Variants in TDRD3 observed in about 807,000 individuals in gnomAD.
TDRD3 encodes the protein tudor domain containing 3, also known as tudor domain-containing protein 3.
Under a neutral mutation model 86.7 loss-of-function variants are expected in TDRD3, and 45 were observed. The observed-to-expected ratio is 0.52, with a 90% confidence interval of 0.41 to 0.67. TDRD3 has a LOEUF of 0.67. Among genes scored for constraint, TDRD3 ranks in the 30% least tolerant of loss-of-function variants. The probability of loss-of-function intolerance (pLI) is 0.00; values close to 1 mark genes in which losing one functional copy is unlikely to be tolerated. For synonymous variants in TDRD3, 298 were observed against 301.7 expected, an observed-to-expected ratio of 0.99 and a Z score of 0.13; for missense variants, 814 against 889.0, an observed-to-expected ratio of 0.92 and a Z score of 1.07.
intron 1 of TDRD3, among the ~76,000 whole-genome samples, chr13:60,408,054 C>T (rs547004498): frequency 2.6e-5 from 4 of 152,244 alleles, no homozygotes; most frequent in Non-Finnish European, 5.9e-5. Flanking sequence ...TTTCACGTCC[C>T]GCCATGATTC....
intron 7 of TDRD3, among the ~76,000 whole-genome samples, chr13:60,488,979 A>C (rs995141154): frequency 6.6e-6 from 1 of 152,096 alleles, no homozygotes; most frequent in Non-Finnish European, 1.5e-5. Flanking sequence ...GATAGTTTGC[A>C]ATTATTTTCC....
At chr13:60,422,885 T>C (rs1330181365) in intron 1 of TDRD3, among the ~76,000 whole-genome samples, 1 of 152,128 alleles carries the variant, frequency 6.6e-6, no homozygotes, top group African/African-American at 2.4e-5. Flanking sequence ...AGAGCTGATA[T>C]CTAAAACTAT....
At chr13:60,551,148 G>C (rs1221648445) in intron 12 of TDRD3, among the ~76,000 whole-genome samples, 1 of 152,170 alleles carries the variant, frequency 6.6e-6, no homozygotes. Context: ...AATGTGGTCA[G>C]TCTAATTCTC....
In TDRD3 at chr13:60,528,839, C is replaced by G; in HGVS notation, c.1614C>G (p.Ser538Arg). 6.2e-7 allele frequency: 1 copy of G among 1,613,596 alleles called. No homozygotes were observed. Among genetic ancestry groups the G allele is most frequent in the South Asian group, 1.1e-5 (1 of 90,902 alleles). The change falls in exon 11 of 14, where the codon AGC becomes AGG. Residue 538 changes from serine to arginine, a missense_variant. Transcript: ENST00000377881. ...YNNQKRGKRE[S>R]QTSIPDYFYD... ...ATCAAAAACGTGGAAAAAGAGAAAG[C>G]CAAACATCTATTCCTGATTATTTTT...
intron 12 of TDRD3, among the ~76,000 whole-genome samples, chr13:60,557,700 TTC>T (rs1260287198): frequency 3.3e-5 from 5 of 152,084 alleles, no homozygotes; most frequent in Non-Finnish European, 7.4e-5. Flanking sequence ...TAAAAATTTT[TTC>T]TTATATCAAG....
chr13:60,494,499 A>G lies in TDRD3; in HGVS notation c.782A>G (p.Asn261Ser). The change falls in exon 8 of 14, where the codon AAC becomes AGC. Residue 261 changes from asparagine to serine, a missense_variant. By Grantham distance (46) the Asn-to-Ser change is conservative. Transcript: ENST00000377881. ...AATCTCAATATGAATGCTGCTGGTA[A>G]CCGAAATAGGGAAGTTTTACAGAAA... ...RSNLNMNAAG[N>S]RNREVLQKEK... 1 of 1,613,830 alleles carries G rather than the reference A, an allele frequency of 6.2e-7. No individual in the cohort carries two copies. The highest frequency in any genetic ancestry group is 8.5e-7 in the Non-Finnish European group (1 of 1,179,846).
intron 1 of TDRD3, among the ~76,000 whole-genome samples, chr13:60,408,416 G>A (rs764722369): frequency 5.9e-5 from 9 of 152,202 alleles, no homozygotes; most frequent in South Asian, 4.1e-4. Flanking sequence ...CAGTTTGGAG[G>A]GCTTAGAAGA....
In TDRD3 at chr13:60,483,833, T is replaced by G. The variant is rs1956370886; in HGVS notation, c.554T>G (p.Val185Gly). Residue 185 changes from valine (V) to glycine (G), a missense_variant, in exon 6 of 14, where the codon GTG becomes GGG. Coordinates refer to ENST00000377881, the MANE Select transcript of TDRD3 (RefSeq NM_001146070.2). ...ACTGAAGGTGGACCACCGCCTTTTG[T>G]GCCTTTTGGACAGGTAATGACTTTT... The part of the protein sequence containing the change: ...IGTEGGPPPF[V>G]PFGQKCVSHV... 1 of 1,613,330 alleles carries G rather than the reference T, an allele frequency of 6.2e-7. No homozygotes were observed. The highest frequency in any genetic ancestry group is 1.7e-5 in the Admixed American group (1 of 59,928).
intron 12 of TDRD3, among the ~76,000 whole-genome samples, chr13:60,549,148 A>G (rs762012451): frequency 1.3e-5 from 2 of 152,182 alleles, no homozygotes; most frequent in Non-Finnish European, 2.9e-5. Flanking sequence ...TTTAGAGTCA[A>G]GTCTCTGGGT....
chr13:60,547,935 G>T (rs1595102142), intron 12 of TDRD3, among the ~76,000 whole-genome samples: 1 of 152,280 alleles, frequency 6.6e-6, no homozygotes, highest in East Asian at 1.9e-4. Flanking sequence ...TTCAGACAGT[G>T]TTGAGGAGAA....
chr13:60,529,738 C>T lies in TDRD3; in HGVS notation c.1992+521C>T, dbSNP rs148494888. ...TGCTTCTCGGCCTTTTGGCTAAGAT[C>T]GAGTGTAAAAATTATTAAACCAATT... On this transcript the variant is annotated intron_variant, in intron 11 of 13. Transcript: ENST00000377881. Among the ~76,000 whole-genome samples, 517 of 151,510 alleles carry T rather than the reference C, an allele frequency of 3.4e-3. 7 individuals carry two copies. The highest frequency in any genetic ancestry group is 0.017 in the Middle Eastern group (5 of 292).
At chr13:60,511,460 G>T (rs1957059468) in intron 10 of TDRD3, among the ~76,000 whole-genome samples, 1 of 152,208 alleles carries the variant, frequency 6.6e-6, no homozygotes, top group Non-Finnish European at 1.5e-5. Context: ...AGGCAGTGTA[G>T]CATTTGAGAA....
At chr13:60,403,932 T>C (rs1056460756) in intron 1 of TDRD3, among the ~76,000 whole-genome samples, 19 of 152,216 alleles carry the variant, frequency 1.2e-4, no homozygotes, top group Admixed American at 6.5e-5. Context: ...CTGAAATACA[T>C]TTAGTAAATA....
At chr13:60,534,119 T>G (rs913216518) in intron 11 of TDRD3, among the ~76,000 whole-genome samples, 1 of 152,112 alleles carries the variant, frequency 6.6e-6, no homozygotes, top group African/African-American at 2.4e-5. Flanking sequence ...GAGACCAGCT[T>G]GGGCAACCTA....
intron 1 of TDRD3, among the ~76,000 whole-genome samples, chr13:60,425,922 T>C (rs1477450969): frequency 6.6e-6 from 1 of 152,200 alleles, no homozygotes; most frequent in Non-Finnish European, 1.5e-5. Context: ...ATACAAAATA[T>C]GTATTAATTG....
chr13:60,411,505 A>G (rs1485971300), intron 1 of TDRD3, among the ~76,000 whole-genome samples: 3 of 152,078 alleles, frequency 2.0e-5, no homozygotes, highest in South Asian at 2.1e-4. Context: ...CCTGAGCTAC[A>G]TTTTTCCAAT....
chr13:60,567,222 T>C (rs1446033574), intron 12 of TDRD3, among the ~76,000 whole-genome samples: 2 of 152,256 alleles, frequency 1.3e-5, no homozygotes, highest in Non-Finnish European at 2.9e-5. Context: ...TTTGATGAGA[T>C]GATCTTGCTA....
At chr13:60,473,898 T>C (rs1317889317) in intron 5 of TDRD3, among the ~76,000 whole-genome samples, 1 of 152,066 alleles carries the variant, frequency 6.6e-6, no homozygotes, top group Non-Finnish European at 1.5e-5. Flanking sequence ...AAGGCACCCG[T>C]TACTTAACAG....
intron 5 of TDRD3, among the ~76,000 whole-genome samples, chr13:60,469,096 G>A (rs1278491574): frequency 1.3e-5 from 2 of 151,936 alleles, no homozygotes; most frequent in African/African-American, 2.4e-5. Context: ...CTGTGATTTG[G>A]GTTGCTGTAC....
Sources: allele counts gnomAD v4.1 joint callset (sites outside exome capture counted in the v4.1 genomes callset), GRCh38; gene constraint gnomAD v4.1.1; transcripts MANE v1.5; gene names NCBI Gene and HGNC (gene_info 2026-07-23, HGNC 2026-07-21).